The following TEAD1 variants were observed in gnomAD, a reference collection of about 807,000 sequenced individuals.
TEAD1 encodes TEA domain transcription factor 1, also known as transcriptional enhancer factor TEF-1.
In TEAD1, 9 loss-of-function variants were observed where a neutral mutation model predicts 54.9. That is an observed-to-expected ratio of 0.16 (90% confidence interval 0.10 to 0.29). The LOEUF (loss-of-function observed/expected upper bound fraction) is 0.29. Ranked by LOEUF, TEAD1 falls within the 10% of genes least tolerant of loss-of-function variation. TEAD1 has a pLI of 1.00. For synonymous variants in TEAD1, 200 were observed against 187.8 expected, an observed-to-expected ratio of 1.07 and a Z score of -0.53; for missense variants, 387 against 535.9, an observed-to-expected ratio of 0.72 and a Z score of 2.74.
chr11:12,776,619 G>A (rs923076549), intron 3 of TEAD1, among the ~76,000 whole-genome samples: 29 of 151,866 alleles, frequency 1.9e-4, no homozygotes, highest in African/African-American at 5.8e-4. Context: ...CTTGCAATCC[G>A]AATGTGTTTG....
At chr11:12,876,692 C>G (rs188297930) in intron 5 of TEAD1, among the ~76,000 whole-genome samples, 1 of 152,300 alleles carries the variant, frequency 6.6e-6, no homozygotes. Context: ...GAGCCATTAC[C>G]TCAGTTTCAG....
intron 2 of TEAD1, among the ~76,000 whole-genome samples, chr11:12,763,888 C>G (rs1945150446): frequency 2.0e-5 from 3 of 152,184 alleles, no homozygotes; most frequent in Admixed American, 1.3e-4. Context: ...CTTCTGCCCA[C>G]CATTGCATTT....
chr11:12,709,641 A>C (rs1401227206), intron 2 of TEAD1, among the ~76,000 whole-genome samples: 1 of 152,076 alleles, frequency 6.6e-6, no homozygotes, highest in Admixed American at 6.6e-5. Flanking sequence ...AGCTCCCCCA[A>C]GTAGCTAGAA....
chr11:12,887,430 G>A (rs941048294), intron 9 of TEAD1, among the ~76,000 whole-genome samples: 1 of 152,104 alleles, frequency 6.6e-6, no homozygotes, highest in African/African-American at 2.4e-5. Flanking sequence ...TGATTTTAGT[G>A]GACATGTGAG....
chr11:12,752,851 T>G (rs1590115588), intron 2 of TEAD1, among the ~76,000 whole-genome samples: 1 of 152,102 alleles, frequency 6.6e-6, no homozygotes, highest in Admixed American at 6.6e-5. Flanking sequence ...GCTACAGTTT[T>G]TTTTTTTTTA....
intron 3 of TEAD1, among the ~76,000 whole-genome samples, chr11:12,830,429 T>A (rs1946748882): frequency 6.6e-6 from 1 of 152,126 alleles, no homozygotes; most frequent in Admixed American, 6.5e-5. Flanking sequence ...TGGCCTCTCC[T>A]ACCAGCTCCT....
chr11:12,721,441 C>A (rs546949628), intron 2 of TEAD1, among the ~76,000 whole-genome samples: 3 of 152,324 alleles, frequency 2.0e-5, no homozygotes, highest in East Asian at 3.9e-4. Flanking sequence ...GAAGGATGAT[C>A]TGCACACACC....
intron 3 of TEAD1, among the ~76,000 whole-genome samples, chr11:12,825,598 T>A (rs949782761): frequency 9.2e-5 from 14 of 152,322 alleles, no homozygotes; most frequent in African/African-American, 3.1e-4. Context: ...ATTTGTAGAT[T>A]CAGTGCAATC....
At chr11:12,770,749 A>G (rs1254458342) in intron 3 of TEAD1, among the ~76,000 whole-genome samples, 3 of 152,240 alleles carry the variant, frequency 2.0e-5, no homozygotes, top group African/African-American at 4.8e-5. Context: ...TTGATATGGA[A>G]GGAAGTATAT....
chr11:12,753,217 A>G (rs979617257), intron 2 of TEAD1, among the ~76,000 whole-genome samples: 5 of 152,190 alleles, frequency 3.3e-5, no homozygotes, highest in African/African-American at 9.7e-5. Context: ...AACAATGAAA[A>G]TATAAACATT....
At chr11:12,718,597 G>T (rs56084241) in intron 2 of TEAD1, among the ~76,000 whole-genome samples, 8,290 of 151,712 alleles carry the variant, frequency 0.055, 324 homozygotes, top group South Asian at 0.15. Context: ...TTTTTTGGGT[G>T]AAATTATTGA....
chr11:12,929,229 C>T (rs1418994485), intron 11 of TEAD1, among the ~76,000 whole-genome samples: 2 of 146,122 alleles, frequency 1.4e-5, no homozygotes, highest in Non-Finnish European at 3.0e-5. Context: ...GAAATAATCT[C>T]TTATGTATCT....
intron 9 of TEAD1, among the ~76,000 whole-genome samples, chr11:12,884,358 A>C (rs763101655): frequency 6.6e-6 from 1 of 152,112 alleles, no homozygotes; most frequent in Non-Finnish European, 1.5e-5. Context: ...CACGTTCTCT[A>C]TCTCACCCCA....
chr11:12,892,414 C>T (rs1053484003), intron 9 of TEAD1, among the ~76,000 whole-genome samples: 3 of 152,078 alleles, frequency 2.0e-5, no homozygotes, highest in Non-Finnish European at 2.9e-5. Flanking sequence ...CCAAGCAAGG[C>T]GTGTGGGTCA....
chr11:12,868,362 C>A (rs1015285687), intron 5 of TEAD1, among the ~76,000 whole-genome samples: 1 of 152,198 alleles, frequency 6.6e-6, no homozygotes, highest in Non-Finnish European at 1.5e-5. Flanking sequence ...ACCTCTTATG[C>A]TGTCCCTTCC....
At chr11:12,914,176 ACGGG>A (rs745659119) in intron 10 of TEAD1, among the ~76,000 whole-genome samples, 26 of 152,240 alleles carry the variant, frequency 1.7e-4, no homozygotes, top group Non-Finnish European at 3.4e-4. Context: ...TGCAGTGCAG[ACGGG>A]CAGCCTTTCA....
chr11:12,884,111 TTTC>T (rs1365975052), intron 9 of TEAD1, among the ~76,000 whole-genome samples: 2 of 152,084 alleles, frequency 1.3e-5, no homozygotes, highest in Non-Finnish European at 2.9e-5. Flanking sequence ...TATTTGTCAC[TTTC>T]TTCTTTCCTA....
intron 3 of TEAD1, among the ~76,000 whole-genome samples, chr11:12,780,546 C>T (rs1010127111): frequency 9.9e-5 from 15 of 151,796 alleles, no homozygotes; most frequent in Non-Finnish European, 1.8e-4. Flanking sequence ...GCCTGCCACT[C>T]GATTGTATTT....
At chr11:12,936,494 G>T (rs986800528) in intron 12 of TEAD1, among the ~76,000 whole-genome samples, 4 of 152,190 alleles carry the variant, frequency 2.6e-5, no homozygotes, top group African/African-American at 7.2e-5. Context: ...CAGCTTCTCT[G>T]TCCTTGGCTA....
Sources: allele counts gnomAD v4.1 joint callset (sites outside exome capture counted in the v4.1 genomes callset), GRCh38; gene constraint gnomAD v4.1.1; transcripts MANE v1.5; gene names NCBI Gene and HGNC (gene_info 2026-07-23, HGNC 2026-07-21).